The following MYRIP variants were observed in gnomAD, a reference collection of about 807,000 sequenced individuals.
The protein encoded by MYRIP is rab effector MyRIP.
In MYRIP, 49 loss-of-function variants were observed where a neutral mutation model predicts 98.0. The observed-to-expected ratio is 0.50, with a 90% CI of 0.40 to 0.63. The LOEUF (loss-of-function observed/expected upper bound fraction) is 0.63. Ranked by LOEUF, MYRIP falls within the 30% of genes least tolerant of loss-of-function variation. MYRIP has a pLI of 0.00. For synonymous variants in MYRIP, 404 were observed against 409.5 expected (o/e 0.99, Z 0.16); for missense variants, 1,004 against 1,058.2 (o/e 0.95, Z 0.71).
At chr3:39,837,237 AT>A (rs1156285058) in intron 1 of MYRIP, among the ~76,000 whole-genome samples, 1 of 152,140 alleles carries the variant, frequency 6.6e-6, no homozygotes, top group East Asian at 1.9e-4. Context: ...CCATTTGTCA[AT>A]TTTGGCTTTT....
At chr3:40,247,812 G>A (rs1274862932) in intron 13 of MYRIP, among the ~76,000 whole-genome samples, 2 of 152,208 alleles carry the variant, frequency 1.3e-5, no homozygotes, top group Non-Finnish European at 1.5e-5. Flanking sequence ...GCATGATCCA[G>A]CGCCAAACAG....
chr3:39,934,419 T>A (rs577875297), intron 2 of MYRIP, among the ~76,000 whole-genome samples: 2 of 152,124 alleles, frequency 1.3e-5, no homozygotes, highest in Non-Finnish European at 2.9e-5. Flanking sequence ...ACAAATGCCA[T>A]CCCCAGGTGG....
chr3:39,963,866 A>G (rs1035524617), intron 2 of MYRIP, among the ~76,000 whole-genome samples: 5 of 152,166 alleles, frequency 3.3e-5, no homozygotes. Flanking sequence ...AGAAATCTAC[A>G]TTTGCAAAGA....
At chr3:40,201,965 C>G (rs577955150) in intron 10 of MYRIP, among the ~76,000 whole-genome samples, 40 of 152,292 alleles carry the variant, frequency 2.6e-4, no homozygotes, top group African/African-American at 9.1e-4. Flanking sequence ...CCCCACGGCT[C>G]ATCCACTTGC....
chr3:40,190,322 G>T lies in MYRIP; in HGVS notation c.1524G>T (p.Ser508=). ...CCCAGTTGGCCAGCAGGGAGACCTC[G>T]GACAGCAGCGAGCCGGAGGAGGCCC... ...FNPQLASRET[S]DSSEPEEAPH... The change falls in exon 10 of 17, where the codon TCG becomes TCT. Residue 508 remains serine (S), a synonymous_variant. Coordinates refer to ENST00000302541, the MANE Select transcript of MYRIP (RefSeq NM_015460.4). 5.0e-6 allele frequency: 8 copies of T among 1,614,018 alleles called. No homozygotes were observed. Among genetic ancestry groups the T allele is most frequent in the Non-Finnish European group, 6.8e-6 (8 of 1,179,984 alleles).
intron 2 of MYRIP, among the ~76,000 whole-genome samples, chr3:39,976,156 A>C (rs1414067792): frequency 6.6e-6 from 1 of 152,210 alleles, no homozygotes; most frequent in African/African-American, 2.4e-5. Context: ...CTCATCTGAC[A>C]AAGGGCTAAT....
At chr3:40,036,720 C>A (rs1457725226) in intron 2 of MYRIP, among the ~76,000 whole-genome samples, 1 of 152,086 alleles carries the variant, frequency 6.6e-6, no homozygotes, top group Admixed American at 6.6e-5. Context: ...GGAAATGACA[C>A]TAGTTGAGTT....
intron 12 of MYRIP, among the ~76,000 whole-genome samples, chr3:40,238,191 T>C (rs1435727688): frequency 6.6e-6 from 1 of 152,216 alleles, no homozygotes. Context: ...CTTTTTAAAT[T>C]TCACCTCAGA....
chr3:40,129,463 A>C (rs939004166), intron 3 of MYRIP, among the ~76,000 whole-genome samples: 7 of 148,656 alleles, frequency 4.7e-5, no homozygotes, highest in East Asian at 2.0e-4. Flanking sequence ...AAAAAAAAAA[A>C]AAAAAAAAAA....
At position 40,131,614 on chromosome 3, in the gene MYRIP, G is replaced by A. The variant is rs535007926; in HGVS notation, c.333-19434G>A. Among the ~76,000 whole-genome samples, 150 of 152,214 alleles carry A rather than the reference G, an allele frequency of 9.9e-4. No homozygotes were observed. The Middle Eastern group carries it at 0.01, about 10-fold the overall frequency. ...CTTGGAAAATTTCATCAAAGTTGTA[G>A]TATCTTCTCCATTTATAAAATAGCG... On this transcript the variant is annotated intron_variant, in intron 3 of 16. Coordinates refer to ENST00000302541, the MANE Select transcript of MYRIP (RefSeq NM_015460.4).
chr3:39,855,094 T>A (rs1182372167), intron 1 of MYRIP, among the ~76,000 whole-genome samples: 1 of 152,266 alleles, frequency 6.6e-6, no homozygotes, highest in Non-Finnish European at 1.5e-5. Context: ...TAGATATATG[T>A]ACTATGCTGG....
At chr3:39,865,401 G>C (rs1279963440) in intron 1 of MYRIP, among the ~76,000 whole-genome samples, 2 of 151,694 alleles carry the variant, frequency 1.3e-5, no homozygotes, top group Non-Finnish European at 2.9e-5. Context: ...CCCACAGAAT[G>C]GAAAAAAAAT....
At chr3:39,958,833 G>A (rs1317770855) in intron 2 of MYRIP, among the ~76,000 whole-genome samples, 2 of 151,690 alleles carry the variant, frequency 1.3e-5, no homozygotes, top group African/African-American at 4.8e-5. Flanking sequence ...AAATTTACAA[G>A]AGAAAATCAA....
chr3:40,070,837 T>G (rs920449207), intron 3 of MYRIP, among the ~76,000 whole-genome samples: 4 of 152,180 alleles, frequency 2.6e-5, no homozygotes, highest in Non-Finnish European at 5.9e-5. Flanking sequence ...CTCCATGTCC[T>G]TTAACATCCT....
chr3:40,207,065 T>C (rs1181504990), intron 10 of MYRIP, among the ~76,000 whole-genome samples: 1 of 152,180 alleles, frequency 6.6e-6, no homozygotes, highest in East Asian at 1.9e-4. Flanking sequence ...CTGCATAATT[T>C]AGTGCATACT....
chr3:39,817,883 T>C (rs1017053683), intron 1 of MYRIP, among the ~76,000 whole-genome samples: 1 of 152,330 alleles, frequency 6.6e-6, no homozygotes, highest in East Asian at 1.9e-4. Flanking sequence ...CATTATTTAC[T>C]GTGATATTTT....
chr3:39,917,872 TTATCTA>T (rs1264371535), intron 2 of MYRIP, among the ~76,000 whole-genome samples: 1 of 152,176 alleles, frequency 6.6e-6, no homozygotes, highest in Non-Finnish European at 1.5e-5. Flanking sequence ...TTTCCAAACT[TTATCTA>T]TATAAATAAC....
At chr3:39,850,805 C>T (rs1162942695) in intron 1 of MYRIP, among the ~76,000 whole-genome samples, 1 of 152,056 alleles carries the variant, frequency 6.6e-6, no homozygotes, top group Admixed American at 6.5e-5. Flanking sequence ...ACAGAAGAAA[C>T]GTACCAGACT....
intron 3 of MYRIP, among the ~76,000 whole-genome samples, chr3:40,150,813 C>T (rs894650923): frequency 2.0e-5 from 3 of 152,106 alleles, no homozygotes; most frequent in African/African-American, 7.2e-5. Flanking sequence ...GGCTTACTCA[C>T]GTGATAAAGG....
Sources: gnomAD v4.1 joint callset for allele counts (sites outside exome capture counted in the v4.1 genomes callset) on GRCh38, gnomAD v4.1.1 for gene constraint, MANE v1.5 for transcripts, NCBI Gene and HGNC (gene_info 2026-07-23, HGNC 2026-07-21) for gene names.